LEKR1: variants seen among roughly 807,000 people sequenced by gnomAD.
LEKR1 encodes protein LEKR1.
In LEKR1, 59 loss-of-function variants were observed where a neutral mutation model predicts 72.4. That is an observed-to-expected ratio of 0.82 (90% confidence interval 0.66 to 1.01). LEKR1 has a LOEUF of 1.01. Among genes scored for constraint, LEKR1 ranks in the 50% least tolerant of loss-of-function variants. LEKR1 has a pLI of 0.00. For missense variants in LEKR1, 728 were observed against 759.2 expected, an observed-to-expected ratio of 0.96 and a Z score of 0.48; for synonymous variants, 257 against 263.2, an observed-to-expected ratio of 0.98 and a Z score of 0.23.
chr3:157,021,411 A>T (rs1016859657), intron 10 of LEKR1, among the ~76,000 whole-genome samples: 1 of 152,052 alleles, frequency 6.6e-6, no homozygotes, highest in Non-Finnish European at 1.5e-5. Context: ...TTATGGTTTT[A>T]GGTCTAACAT....
intron 7 of LEKR1, among the ~76,000 whole-genome samples, chr3:156,984,633 C>T (rs964378415): frequency 3.9e-5 from 6 of 151,954 alleles, no homozygotes; most frequent in African/African-American, 1.2e-4. Context: ...GCCAAGATTG[C>T]GACACTGCAC....
intron 2 of LEKR1, among the ~76,000 whole-genome samples, chr3:156,843,839 G>A (rs1714242109): frequency 6.6e-6 from 1 of 152,070 alleles, no homozygotes; most frequent in African/African-American, 2.4e-5. Flanking sequence ...GTGTGTGTGT[G>A]TGTGTGGACG....
intron 6 of LEKR1, among the ~76,000 whole-genome samples, chr3:156,949,246 C>G (rs1726945034): frequency 6.6e-6 from 1 of 151,568 alleles, no homozygotes; most frequent in African/African-American, 2.4e-5. Flanking sequence ...ATTCCTATGT[C>G]CAGAATGGTA....
At chr3:156,897,156 T>C (rs1437286253) in intron 3 of LEKR1, among the ~76,000 whole-genome samples, 1 of 152,184 alleles carries the variant, frequency 6.6e-6, no homozygotes, top group Admixed American at 6.5e-5. Flanking sequence ...GACACACAAT[T>C]AACCCATATA....
At chr3:157,002,287 C>T (rs751855122) in intron 9 of LEKR1, among the ~76,000 whole-genome samples, 6 of 151,970 alleles carry the variant, frequency 3.9e-5, no homozygotes, top group Non-Finnish European at 8.8e-5. Context: ...TCTTACAATT[C>T]CTCTAAATTT....
chr3:157,032,777 G>T (rs1471525914), intron 12 of LEKR1, among the ~76,000 whole-genome samples: 2 of 151,782 alleles, frequency 1.3e-5, no homozygotes, highest in East Asian at 3.9e-4. Flanking sequence ...TTGTTTTATT[G>T]CATGTCACTT....
intron 4 of LEKR1, chr3:156,924,832 T>C (rs1724553524): frequency 4.0e-6 from 1 of 249,736 alleles, no homozygotes; most frequent in South Asian, 1.7e-4. Flanking sequence ...TGCCACACTC[T>C]CTTAAGTACT....
At chr3:156,923,632 A>G (rs1724418513) in intron 4 of LEKR1, among the ~76,000 whole-genome samples, 1 of 152,184 alleles carries the variant, frequency 6.6e-6, no homozygotes, top group Non-Finnish European at 1.5e-5. Flanking sequence ...GCTGCTGTAA[A>G]CATTCATATA....
rs564271261 is a variant in LEKR1 at position 157,037,297 on chromosome 3, G to A, written c.1669-8043G>A. ...TGAAGAAATGCTTTTTTCATTGTGA[G>A]TTTTAGTATTATTTTACTTTTTAGC... On this transcript the variant is annotated intron_variant, in intron 12 of 12. Coordinates refer to ENST00000356539, the MANE Select transcript of LEKR1 (RefSeq NM_001004316.3). Among the ~76,000 whole-genome samples, 5 of 152,060 alleles carry A rather than the reference G, an allele frequency of 3.3e-5. No homozygotes were observed. In the South Asian group the frequency reaches 1.0e-3, roughly 32 times the overall value.
intron 3 of LEKR1, among the ~76,000 whole-genome samples, chr3:156,914,336 C>G (rs1250571152): frequency 6.6e-6 from 1 of 152,090 alleles, no homozygotes; most frequent in Non-Finnish European, 1.5e-5. Flanking sequence ...TCAACAGGCC[C>G]TGGTGTGTGA....
chr3:156,985,266 G>A (rs187513136), intron 7 of LEKR1, among the ~76,000 whole-genome samples: 21 of 152,308 alleles, frequency 1.4e-4, no homozygotes, highest in African/African-American at 4.3e-4. Flanking sequence ...GTGGAGAGGG[G>A]TGGTATACTT....
chr3:156,980,309 C>G lies in LEKR1; in HGVS notation c.827+1034C>G, dbSNP rs188869058. On this transcript the variant is annotated intron_variant, in intron 7 of 12. Coordinates refer to ENST00000356539, the MANE Select transcript of LEKR1 (RefSeq NM_001004316.3). ...ACTGAACACAAGAAGGAACAAATAC[C>G]AAAAATACCCTATCAAATTAATGTA... 4.5e-4 allele frequency among the ~76,000 whole-genome samples: 68 copies of G among 152,000 alleles called. 1 individual carries two copies. The highest frequency in any genetic ancestry group is 8.2e-4 in the Non-Finnish European group (56 of 67,964).
At chr3:156,966,757 G>C (rs1359394142) in intron 6 of LEKR1, among the ~76,000 whole-genome samples, 1 of 152,192 alleles carries the variant, frequency 6.6e-6, no homozygotes, top group Admixed American at 6.5e-5. Context: ...GAATGTCCCT[G>C]TCCAACAGCT....
At chr3:156,872,754 A>G (rs115307381) in intron 3 of LEKR1, among the ~76,000 whole-genome samples, 2,521 of 152,044 alleles carry the variant, frequency 0.017, 70 homozygotes, top group African/African-American at 0.057. Context: ...ATAGTTTCCA[A>G]AGTTCCCCTT....
intron 12 of LEKR1, among the ~76,000 whole-genome samples, chr3:157,039,610 C>T (rs893317582): frequency 1.2e-4 from 18 of 152,226 alleles, no homozygotes; most frequent in Admixed American, 7.2e-4. Flanking sequence ...CAACCTGAAA[C>T]CCTGTCTCAA....
At chr3:156,943,807 G>A (rs916618304) in intron 6 of LEKR1, among the ~76,000 whole-genome samples, 1 of 151,838 alleles carries the variant, frequency 6.6e-6, no homozygotes, top group African/African-American at 2.4e-5. Context: ...AGTGTTGAAA[G>A]AGAAGATAAC....
At chr3:156,865,753 A>C (rs943870053) in intron 3 of LEKR1, among the ~76,000 whole-genome samples, 1 of 151,650 alleles carries the variant, frequency 6.6e-6, no homozygotes, top group African/African-American at 2.4e-5. Context: ...AGTCTGGGTG[A>C]CCTCTCACCC....
intron 4 of LEKR1, 171 bp downstream of exon 4, chr3:156,920,865 A>G (rs757948092): frequency 1.6e-5 from 7 of 434,814 alleles, no homozygotes; most frequent in Non-Finnish European, 2.8e-5. Context: ...CTCAATGAAT[A>G]GTGTTGCTAA....
At chr3:156,958,348 A>G (rs540796133) in intron 6 of LEKR1, among the ~76,000 whole-genome samples, 1 of 152,300 alleles carries the variant, frequency 6.6e-6, no homozygotes, top group East Asian at 1.9e-4. Flanking sequence ...AAGTATTTAC[A>G]GTGGTTTAGA....
Sources: allele counts gnomAD v4.1 joint callset (sites outside exome capture counted in the v4.1 genomes callset), GRCh38; gene constraint gnomAD v4.1.1; transcripts MANE v1.5; gene names NCBI Gene and HGNC (gene_info 2026-07-23, HGNC 2026-07-21).